Variants in ARAP2 observed in about 807,000 individuals in gnomAD.
The protein encoded by ARAP2 is ArfGAP with RhoGAP domain, ankyrin repeat and PH domain 2, also known as arf-GAP with Rho-GAP domain, ANK repeat and PH domain-containing protein 2.
ARAP2 carries 148 observed loss-of-function variants against 194.5 expected under a neutral mutation model. The observed-to-expected ratio is 0.76, with a 90% CI of 0.67 to 0.87. ARAP2 has a LOEUF of 0.87. ARAP2 is among the 40% of genes least tolerant of loss of function. The probability of loss-of-function intolerance (pLI) is 0.00; values close to 1 mark genes in which losing one functional copy is unlikely to be tolerated. For synonymous variants in ARAP2, 695 were observed against 683.5 expected (o/e 1.02, Z -0.26); for missense variants, 2,128 against 1,989.7 (o/e 1.07, Z -1.32).
At chr4:36,059,706 T>C (rs1261189973) in intron 1 of ARAP2, among the ~76,000 whole-genome samples, 1 of 152,020 alleles carries the variant, frequency 6.6e-6, no homozygotes, top group Admixed American at 6.6e-5. Context: ...GACTGACTTG[T>C]GAGGAAATAG....
chr4:36,161,972 G>A (rs1385583235), intron 11 of ARAP2, among the ~76,000 whole-genome samples: 1 of 151,940 alleles, frequency 6.6e-6, no homozygotes, highest in Non-Finnish European at 1.5e-5. Context: ...GCCGGGCGAG[G>A]TGGCAGGCAC....
chr4:36,185,992 GATA>G (rs1377462567), intron 8 of ARAP2, among the ~76,000 whole-genome samples: 4 of 151,244 alleles, frequency 2.6e-5, no homozygotes, highest in Admixed American at 1.3e-4. Flanking sequence ...AAAAAAAAAG[GATA>G]ATAATTTTAA....
chr4:36,067,989 C>A lies in ARAP2; in HGVS notation c.5033G>T (p.Arg1678Met), dbSNP rs1202584023. Reference protein sequence around the residue: ...TLDSDHKLPSRVIEELNVVLQ... With the variant: ...TLDSDHKLPSMVIEELNVVLQ... ...AACCACATTAAGTTCTTCAATTACC[C>A]TTGATGGTAACTTATGATCAGAGTC... The change falls in exon 33 of 33, where the codon AGG becomes ATG. Residue 1678 changes from arginine to methionine, a missense_variant. By Grantham distance (91) the Arg-to-Met change is moderately conservative (BLOSUM62 -1). Coordinates refer to ENST00000303965, the MANE Select transcript of ARAP2 (RefSeq NM_015230.4). 1.2e-6 allele frequency: 2 copies of A among 1,614,132 alleles called. No homozygotes were observed. Among genetic ancestry groups the A allele is most frequent in the East Asian group, 4.5e-5 (2 of 44,878 alleles).
chr4:36,028,643 T>C (rs1357279745), intron 5 of ARAP2, among the ~76,000 whole-genome samples: 1 of 151,624 alleles, frequency 6.6e-6, no homozygotes, highest in Non-Finnish European at 1.5e-5. Context: ...TATTGATTTA[T>C]TAATTATGTT....
At chr4:36,018,263 C>A (rs16991863) in intron 6 of ARAP2, among the ~76,000 whole-genome samples, 1,906 of 152,128 alleles carry the variant, frequency 0.013, 58 homozygotes, top group African/African-American at 0.043. Flanking sequence ...TTGGAATGGT[C>A]TACGCTGAAT....
At chr4:36,162,470 C>T (rs1402755863) in intron 11 of ARAP2, among the ~76,000 whole-genome samples, 2 of 152,110 alleles carry the variant, frequency 1.3e-5, no homozygotes, top group African/African-American at 4.8e-5. Context: ...ACTGAGCAAC[C>T]AGGCTATGTC....
At chr4:36,148,180 T>G (rs1220384112) in intron 17 of ARAP2, among the ~76,000 whole-genome samples, 1 of 152,162 alleles carries the variant, frequency 6.6e-6, no homozygotes, top group Non-Finnish European at 1.5e-5. Context: ...AAACATGGCC[T>G]TAATTTGAAG....
At chr4:36,178,058 C>T in intron 8 of ARAP2, 53 bp from the exon 9 acceptor site, 1 of 1,471,994 alleles carries the variant, frequency 6.8e-7, no homozygotes, top group Non-Finnish European at 9.1e-7. Flanking sequence ...GTTACATAGA[C>T]ACAGAAACGT....
chr4:36,118,290 T>TAAA (rs71653572), intron 24 of ARAP2, among the ~76,000 whole-genome samples: 1 of 119,632 alleles, frequency 8.4e-6, no homozygotes, highest in Non-Finnish European at 1.7e-5. Context: ...CTTAAAAAGT[T>TAAA]AAAAAAAAAA....
intron 31 of ARAP2, among the ~76,000 whole-genome samples, 170 bp from the exon 32 acceptor site, chr4:36,073,993 A>G (rs1223069177): frequency 6.6e-6 from 1 of 152,122 alleles, no homozygotes; most frequent in African/African-American, 2.4e-5. Flanking sequence ...GCTCCAGGAC[A>G]TGAAACTCTT....
intron 23 of ARAP2, 119 bp from the exon 24 acceptor site, chr4:36,119,837 C>A: frequency 1.6e-6 from 1 of 639,958 alleles, no homozygotes. Flanking sequence ...ATGAGAATGG[C>A]CATCGGAATC....
downstream of ARAP2, chr4:36,065,452 C>T: frequency 2.5e-6 from 1 of 404,054 alleles, no homozygotes; most frequent in South Asian, 1.9e-5. Context: ...CCAGTGTATT[C>T]ACTATGTGGC....
At chr4:36,223,180 G>A (rs1749534188) in intron 2 of ARAP2, among the ~76,000 whole-genome samples, 1 of 151,736 alleles carries the variant, frequency 6.6e-6, no homozygotes, top group Non-Finnish European at 1.5e-5. Flanking sequence ...TTCAAAAAAG[G>A]GAAATTTTAA....
chr4:36,043,926 A>T (rs1481739640), intron 5 of ARAP2, among the ~76,000 whole-genome samples: 2 of 151,322 alleles, frequency 1.3e-5, no homozygotes, highest in East Asian at 3.9e-4. Flanking sequence ...AAGAGAAAGA[A>T]AGAGAGAAAG....
chr4:36,127,407 G>A (rs1042459750), intron 21 of ARAP2, among the ~76,000 whole-genome samples: 15 of 151,978 alleles, frequency 9.9e-5, no homozygotes, highest in African/African-American at 3.6e-4. Flanking sequence ...TAGTTATATC[G>A]TGAGAAGCTT....
At chr4:36,087,786 G>A (rs1008803000) in intron 28 of ARAP2, among the ~76,000 whole-genome samples, 2 of 151,968 alleles carry the variant, frequency 1.3e-5, no homozygotes, top group African/African-American at 4.8e-5. Flanking sequence ...AATTCTTTCA[G>A]CAAAAACACT....
intron 8 of ARAP2, among the ~76,000 whole-genome samples, chr4:36,014,098 A>G (rs1181807094): frequency 1.9e-4 from 29 of 151,476 alleles, no homozygotes; most frequent in Admixed American, 1.9e-3. Context: ...CATGGTGGTG[A>G]GTGCCTGTAG....
intron 5 of ARAP2, among the ~76,000 whole-genome samples, chr4:36,019,742 G>A (rs1383220533): frequency 3.3e-5 from 5 of 152,078 alleles, no homozygotes; most frequent in Non-Finnish European, 7.4e-5. Flanking sequence ...AGAGTGTGAA[G>A]GTAGGAGTGG....
At chr4:36,118,303 A>C (rs898049386) in intron 24 of ARAP2, among the ~76,000 whole-genome samples, 1 of 150,666 alleles carries the variant, frequency 6.6e-6, no homozygotes, top group Non-Finnish European at 1.5e-5. Flanking sequence ...AAAAAAAAAA[A>C]AAACTTAAAA....
Sources: allele counts gnomAD v4.1 joint callset (sites outside exome capture counted in the v4.1 genomes callset), GRCh38; gene constraint gnomAD v4.1.1; transcripts MANE v1.5; gene names NCBI Gene and HGNC (gene_info 2026-07-23, HGNC 2026-07-21).